Variants in CTDSPL observed in about 807,000 individuals in gnomAD.
CTDSPL encodes CTD small phosphatase like.
A neutral mutation model predicts 30.5 loss-of-function variants in CTDSPL; 8 were observed. That is an observed-to-expected ratio of 0.26 (90% confidence interval 0.15 to 0.47). CTDSPL has a LOEUF of 0.47. Among genes scored for constraint, CTDSPL ranks in the 20% least tolerant of loss-of-function variants. The pLI, the probability that CTDSPL is intolerant of heterozygous loss-of-function variation, is 0.99. For missense variants in CTDSPL, 248 were observed against 366.1 expected (o/e 0.68, Z 2.63); for synonymous variants, 110 against 137.9 (o/e 0.80, Z 1.42).
At chr3:37,876,219 G>C in intron 1 of CTDSPL, among the ~76,000 whole-genome samples, 1 of 152,030 alleles carries the variant, frequency 6.6e-6, no homozygotes. Flanking sequence ...ACTCCAGCCT[G>C]AGTGACAGAG....
chr3:37,944,367 C>T lies in CTDSPL; in HGVS notation c.80-2690C>T, dbSNP rs377089653. Among the ~76,000 whole-genome samples, 15 of 150,294 alleles carry T rather than the reference C, an allele frequency of 1.0e-4. 1 individual carries two copies. The highest frequency in any genetic ancestry group is 1.5e-4 in the African/African-American group (6 of 41,280). ...TTAACTTTTTCACCTAATGTTATGA[C>T]GTCAACATTTGTCCATTAAACTGAA... is the stretch of plus-strand genomic sequence containing the variant. On this transcript the variant is annotated intron_variant, in intron 1 of 7. Coordinates refer to ENST00000273179, the MANE Select transcript of CTDSPL (RefSeq NM_001008392.2).
chr3:37,908,943 T>C (rs890855470), intron 1 of CTDSPL, among the ~76,000 whole-genome samples: 1 of 152,252 alleles, frequency 6.6e-6, no homozygotes, highest in Admixed American at 6.5e-5. Flanking sequence ...TTCTTTTCCG[T>C]ATATATGTAG....
intron 1 of CTDSPL, 92 bp from the exon 2 acceptor site, chr3:37,946,965 G>C: frequency 7.2e-7 from 1 of 1,394,274 alleles, no homozygotes; most frequent in Non-Finnish European, 9.6e-7. Flanking sequence ...TCTGGGGTCT[G>C]GGGGGCAACT....
chr3:37,902,543 G>A (rs1183197810), intron 1 of CTDSPL, among the ~76,000 whole-genome samples: 1 of 151,958 alleles, frequency 6.6e-6, no homozygotes, highest in African/African-American at 2.4e-5. Context: ...TTTAGAATTG[G>A]GCATCCATGG....
rs753168156 is a variant in CTDSPL at position 37,939,624 on chromosome 3, T to A, written c.80-7433T>A. Among the ~76,000 whole-genome samples the A allele has an allele frequency of 4.0e-5, 6 of 150,180 alleles. 2 individuals are homozygous for A. Among genetic ancestry groups the A allele is most frequent in the Non-Finnish European group, 9.0e-5 (6 of 67,030 alleles). Reference sequence around the variant, plus strand: ...CCATAACATCAAATCCAAACTCATCTCCATGGCTTGCAAGGCCCTTGCTGT... The same window carrying A: ...CCATAACATCAAATCCAAACTCATCACCATGGCTTGCAAGGCCCTTGCTGT... On this transcript the variant is annotated intron_variant, in intron 1 of 7. Coordinates refer to ENST00000273179, the MANE Select transcript of CTDSPL (RefSeq NM_001008392.2).
At chr3:37,947,674 G>A (rs2125622778) in intron 2 of CTDSPL, among the ~76,000 whole-genome samples, 1 of 152,324 alleles carries the variant, frequency 6.6e-6, no homozygotes, top group South Asian at 2.1e-4. Flanking sequence ...ATCTCATTTA[G>A]CAACTAAGGA....
At chr3:37,872,770 T>C (rs1191571885) in intron 1 of CTDSPL, among the ~76,000 whole-genome samples, 1 of 152,014 alleles carries the variant, frequency 6.6e-6, no homozygotes, top group Admixed American at 6.6e-5. Flanking sequence ...AGGTGGGGTT[T>C]CACCACGTTG....
At chr3:37,977,985 C>T (rs1699448907) in intron 7 of CTDSPL, among the ~76,000 whole-genome samples, 1 of 152,140 alleles carries the variant, frequency 6.6e-6, no homozygotes, top group South Asian at 2.1e-4. Context: ...CAGGTTAGCC[C>T]ACTTTTAAAG....
chr3:37,893,527 C>T lies in CTDSPL; in HGVS notation c.79+31249C>T, dbSNP rs150040603. The stretch of plus-strand genomic sequence containing the variant: ...TCAATCTCAACCTTTGCAGTTAATT[C>T]TCCAACTCGAATGTGTCCTTTCAGG... On this transcript the variant is annotated intron_variant, in intron 1 of 7. Coordinates refer to ENST00000273179, the MANE Select transcript of CTDSPL (RefSeq NM_001008392.2). 3.9e-5 allele frequency among the ~76,000 whole-genome samples: 6 copies of T among 152,324 alleles called. No homozygotes were observed. In the East Asian group the frequency reaches 1.2e-3, roughly 29 times the overall value.
chr3:37,939,960 C>T (rs1475555386), intron 1 of CTDSPL, among the ~76,000 whole-genome samples: 1 of 149,652 alleles, frequency 6.7e-6, no homozygotes, highest in East Asian at 1.9e-4. Flanking sequence ...GGCTTGGTGG[C>T]AGGCGCCTGT....
intron 7 of CTDSPL, among the ~76,000 whole-genome samples, chr3:37,976,378 C>A (rs192859358): frequency 6.6e-6 from 1 of 152,228 alleles, no homozygotes; most frequent in Admixed American, 6.5e-5. Flanking sequence ...TGGCTCACAC[C>A]TGTAATCCCA....
At chr3:37,952,462 T>C (rs1214038587) in intron 2 of CTDSPL, among the ~76,000 whole-genome samples, 1 of 152,208 alleles carries the variant, frequency 6.6e-6, no homozygotes, top group African/African-American at 2.4e-5. Context: ...CTTCAGATAT[T>C]GTTTCCACAT....
chr3:37,913,641 T>G (rs1337136114), intron 1 of CTDSPL, among the ~76,000 whole-genome samples: 1 of 152,172 alleles, frequency 6.6e-6, no homozygotes, highest in African/African-American at 2.4e-5. Flanking sequence ...TATCAGAATT[T>G]GGGTGACGTA....
chr3:37,918,500 T>C (rs1217338649), intron 1 of CTDSPL, among the ~76,000 whole-genome samples: 1 of 152,220 alleles, frequency 6.6e-6, no homozygotes, highest in Admixed American at 6.5e-5. Flanking sequence ...GGTCTGCCTC[T>C]AGAATTGTCA....
chr3:37,920,820 A>G (rs1698704398), intron 1 of CTDSPL, among the ~76,000 whole-genome samples: 1 of 151,958 alleles, frequency 6.6e-6, no homozygotes, highest in Admixed American at 6.6e-5. Context: ...CATGAGGCAA[A>G]TGGCTTGGTC....
intron 1 of CTDSPL, among the ~76,000 whole-genome samples, chr3:37,910,973 C>T (rs965635656): frequency 5.9e-5 from 9 of 152,202 alleles, no homozygotes; most frequent in African/African-American, 1.9e-4. Context: ...GGAAGGCAGG[C>T]GTCTGCCCCT....
intron 1 of CTDSPL, among the ~76,000 whole-genome samples, chr3:37,934,594 G>A (rs1246606338): frequency 6.6e-6 from 1 of 152,166 alleles, no homozygotes; most frequent in East Asian, 1.9e-4. Flanking sequence ...ATTATTTTAT[G>A]GGAAGCAAGA....
intron 1 of CTDSPL, among the ~76,000 whole-genome samples, chr3:37,870,987 G>A (rs1486134833): frequency 6.6e-6 from 1 of 152,042 alleles, no homozygotes; most frequent in Non-Finnish European, 1.5e-5. Context: ...AAGAACATAA[G>A]GGTTCACTCC....
intron 1 of CTDSPL, among the ~76,000 whole-genome samples, chr3:37,881,515 C>T (rs756336793): frequency 7.2e-5 from 11 of 152,028 alleles, no homozygotes; most frequent in South Asian, 2.1e-4. Context: ...GATGACAGTG[C>T]GAGACTCCGT....
Sources: gnomAD v4.1 joint callset for allele counts (sites outside exome capture counted in the v4.1 genomes callset) on GRCh38, gnomAD v4.1.1 for gene constraint, MANE v1.5 for transcripts, NCBI Gene and HGNC (gene_info 2026-07-23, HGNC 2026-07-21) for gene names.